Variants in KCNG3 observed in about 807,000 individuals in gnomAD.
KCNG3 encodes the protein voltage-gated potassium channel regulatory subunit KCNG3.
A neutral mutation model predicts 29.0 loss-of-function variants in KCNG3; 15 were observed. The observed-to-expected ratio is 0.52, with a 90% confidence interval of 0.35 to 0.80. The LOEUF is 0.80. KCNG3 is among the 30% of genes least tolerant of loss of function. KCNG3 has a pLI of 0.01. For synonymous variants in KCNG3, 322 were observed against 248.9 expected (o/e 1.29, Z -2.76); for missense variants, 512 against 605.7 (o/e 0.85, Z 1.62).
downstream of KCNG3, chr2:42,440,504 A>C (rs1366672006): frequency 2.0e-5 from 3 of 151,962 alleles, no homozygotes; most frequent in African/African-American, 4.8e-5. Flanking sequence ...AAAAAAGGAA[A>C]ATAAACTGCT....
At chr2:42,422,019 A>C in the KCNG3 span, among the ~76,000 whole-genome samples, 1 of 152,226 alleles carries the variant, frequency 6.6e-6, no homozygotes, top group African/African-American at 2.4e-5. Flanking sequence ...TAAGAAAATA[A>C]TGTAATGAAG....
At chr2:42,484,228 G>A (rs553377115) in intron 1 of KCNG3, among the ~76,000 whole-genome samples, 11 of 152,250 alleles carry the variant, frequency 7.2e-5, no homozygotes, top group South Asian at 4.1e-4. Context: ...TTGGGAGGCC[G>A]AGGAGGGTGG....
chr2:42,412,484 G>A, the KCNG3 span, among the ~76,000 whole-genome samples: 13 of 152,084 alleles, frequency 8.5e-5, no homozygotes, highest in African/African-American at 9.7e-5. Flanking sequence ...AACAGACATC[G>A]ATTTTTTAGA....
At chr2:42,452,243 A>ATATATATATATATATATAT in intron 1 of KCNG3, among the ~76,000 whole-genome samples, 48 of 95,044 alleles carry the variant, frequency 5.1e-4, no homozygotes, top group East Asian at 2.3e-3. Context: ...ATATATATAT[A>ATATATATATATATATATAT]TTTTTTTTTT....
chr2:42,490,699 G>C (rs1207238762), intron 1 of KCNG3, among the ~76,000 whole-genome samples: 2 of 152,222 alleles, frequency 1.3e-5, no homozygotes, highest in Non-Finnish European at 2.9e-5. Flanking sequence ...GATGGAGTAA[G>C]TCAAGATCGG....
rs894990919 is a variant in KCNG3 at position 42,463,184 on chromosome 2, G to A, written c.666-18605C>T. The stretch of plus-strand genomic sequence containing the variant: ...GACCAAGCTCATGGCCACCAGCATC[G>A]ACGTTCTTGCCATCCAGCTGAGCTG... On this transcript the variant is annotated intron_variant, in intron 1 of 1. Coordinates refer to ENST00000306078, the MANE Select transcript of KCNG3 (RefSeq NM_133329.6). The A allele has an allele frequency of 2.3e-5, 8 of 348,464 alleles. 1 individual carries two copies. The highest frequency in any genetic ancestry group is 8.3e-5 in the East Asian group (1 of 12,072). 21.6% of individuals were successfully genotyped at this position (348,464 alleles called of 1,614,324 possible). A position where few individuals can be genotyped will look rare whatever the true frequency, so the allele number is the denominator to read the frequency against.
In KCNG3 at chr2:42,442,219, G is replaced by C. The variant is rs1394788205; in HGVS notation, c.*1715C>G. ...AAGAAGTAGCATACTAGCAGTAATA[G>C]GGAAAATAGGGCAAGATATTTAATG... On this transcript the variant is annotated 3_prime_UTR_variant, in exon 2 of 2. Coordinates refer to ENST00000306078, the MANE Select transcript of KCNG3 (RefSeq NM_133329.6). 6.6e-6 allele frequency: 1 copy of C among 152,064 alleles called. No individual in the cohort carries two copies. The highest frequency in any genetic ancestry group is 1.5e-5 in the Non-Finnish European group (1 of 68,012). 9.4% of individuals were successfully genotyped at this position (152,064 alleles called of 1,614,324 possible).
At chr2:42,481,968 T>C (rs1167590992) in intron 1 of KCNG3, among the ~76,000 whole-genome samples, 2 of 152,206 alleles carry the variant, frequency 1.3e-5, no homozygotes, top group Non-Finnish European at 2.9e-5. Context: ...TGTTTTTCTC[T>C]AATCCCATGA....
At chr2:42,412,926 T>C in the KCNG3 span, among the ~76,000 whole-genome samples, 4 of 152,152 alleles carry the variant, frequency 2.6e-5, no homozygotes, top group African/African-American at 9.7e-5. Flanking sequence ...GAAATGTTTC[T>C]TTCTTTTTTA....
chr2:42,460,812 C>T (rs1374093970), intron 1 of KCNG3, among the ~76,000 whole-genome samples: 1 of 152,020 alleles, frequency 6.6e-6, no homozygotes, highest in Non-Finnish European at 1.5e-5. Context: ...AAAAGGCACC[C>T]CAAAACATCT....
At chr2:42,472,421 C>T (rs1028165333) in intron 1 of KCNG3, among the ~76,000 whole-genome samples, 1 of 151,838 alleles carries the variant, frequency 6.6e-6, no homozygotes, top group African/African-American at 2.4e-5. Context: ...ATGGGAATAA[C>T]ATCAAAGTCA....
chr2:42,470,110 G>A (rs1673249530), intron 1 of KCNG3: 1 of 473,816 alleles, frequency 2.1e-6, no homozygotes, highest in African/African-American at 2.0e-5. Context: ...CTGTTCAAAA[G>A]CATCTTGAGA....
the KCNG3 span, among the ~76,000 whole-genome samples, chr2:42,413,095 T>C: frequency 0.15 from 22,293 of 152,016 alleles, 1,691 homozygotes; most frequent in East Asian, 0.19. Context: ...ACAGTGGCCT[T>C]TAACTCCTGG....
chr2:42,415,022 G>C, the KCNG3 span, among the ~76,000 whole-genome samples: 2 of 152,088 alleles, frequency 1.3e-5, no homozygotes, highest in African/African-American at 2.4e-5. Context: ...TCTCCTGTTT[G>C]TTGGATTTGT....
chr2:42,430,835 A>T, the KCNG3 span, among the ~76,000 whole-genome samples: 1 of 152,092 alleles, frequency 6.6e-6, no homozygotes, highest in South Asian at 2.1e-4. Context: ...TTAGGCCAGG[A>T]GTGGTGGCTC....
chr2:42,400,928 A>G, the KCNG3 span, among the ~76,000 whole-genome samples: 1 of 151,976 alleles, frequency 6.6e-6, no homozygotes, highest in Non-Finnish European at 1.5e-5. Context: ...TATTATAAAT[A>G]TTTCATCTCT....
Position 42,462,157 on chromosome 2 carries a change from T to A in KCNG3, c.666-17578A>T, listed in dbSNP as rs564121247. ...ATTTAGATTTTAAGTGTTGTCACCA[T>A]GTGATTACAATCACACAACCTCTCC... On this transcript the variant is annotated intron_variant, in intron 1 of 1. Coordinates refer to ENST00000306078, the MANE Select transcript of KCNG3 (RefSeq NM_133329.6). 5.3e-5 allele frequency among the ~76,000 whole-genome samples: 8 copies of A among 152,328 alleles called. No individual in the cohort carries two copies. The South Asian group carries it at 8.3e-4, about 16-fold the overall frequency.
In KCNG3 at chr2:42,443,708, G is replaced by A. The variant is rs183721398; in HGVS notation, c.*226C>T. 143 of 394,384 alleles carry A rather than the reference G, an allele frequency of 3.6e-4. 1 individual carries two copies. Among genetic ancestry groups the A allele is most frequent in the African/African-American group, 2.5e-3 (120 of 48,608 alleles). The allele number at this position is 394,384 out of a possible 1,614,324, so 24.4% of individuals were successfully genotyped here. ...CGGGAAAACAAGTCTAAATAAAACC[G>A]GGTCCTAAAGTTTACTCTAGGAGTC... is the stretch of plus-strand genomic sequence containing the variant. On this transcript the variant is annotated 3_prime_UTR_variant, in exon 2 of 2. Transcript: ENST00000306078.
chr2:42,464,389 G>C (rs1179923164), intron 1 of KCNG3, among the ~76,000 whole-genome samples: 1 of 152,056 alleles, frequency 6.6e-6, no homozygotes, highest in East Asian at 1.9e-4. Flanking sequence ...TTTAAACAAA[G>C]GTAGGGATAT....
Sources: gnomAD v4.1 joint callset for allele counts (sites outside exome capture counted in the v4.1 genomes callset) on GRCh38, gnomAD v4.1.1 for gene constraint, MANE v1.5 for transcripts, NCBI Gene and HGNC (gene_info 2026-07-23, HGNC 2026-07-21) for gene names.